The following MYRIP variants were observed in gnomAD, a reference collection of about 807,000 sequenced individuals.
MYRIP encodes rab effector MyRIP.
Under a neutral mutation model 98.0 loss-of-function variants are expected in MYRIP, and 49 were observed. The ratio of observed to expected loss-of-function variants is 0.50; its 90% CI spans 0.40 to 0.63. MYRIP has a LOEUF of 0.63. Ranked by LOEUF, MYRIP falls within the 30% of genes least tolerant of loss-of-function variation. The pLI, the probability that MYRIP is intolerant of heterozygous loss-of-function variation, is 0.00. For synonymous variants in MYRIP, 404 were observed against 409.5 expected (o/e 0.99, Z 0.16); for missense variants, 1,004 against 1,058.2 (o/e 0.95, Z 0.71).
At chr3:39,963,041 G>T (rs1488793918) in intron 2 of MYRIP, among the ~76,000 whole-genome samples, 1 of 152,096 alleles carries the variant, frequency 6.6e-6, no homozygotes, top group Non-Finnish European at 1.5e-5. Flanking sequence ...TCATGTACGA[G>T]AAGGGGCTCA....
chr3:40,138,882 G>T (rs1949836924), intron 3 of MYRIP, among the ~76,000 whole-genome samples: 1 of 152,110 alleles, frequency 6.6e-6, no homozygotes, highest in African/African-American at 2.4e-5. Flanking sequence ...GTTAACTATA[G>T]TCATCCTACT....
chr3:40,007,189 G>C (rs1946653405), intron 2 of MYRIP, among the ~76,000 whole-genome samples: 2 of 152,168 alleles, frequency 1.3e-5, no homozygotes, highest in South Asian at 2.1e-4. Context: ...TCAGAATTCT[G>C]TACAGGCTAA....
intron 3 of MYRIP, among the ~76,000 whole-genome samples, chr3:40,137,146 T>G (rs1320474750): frequency 3.9e-5 from 6 of 151,906 alleles, no homozygotes; most frequent in African/African-American, 1.2e-4. Context: ...GCAAGACTAA[T>G]AAAGAAGAAA....
chr3:39,834,972 T>C (rs761368087), intron 1 of MYRIP, among the ~76,000 whole-genome samples: 4 of 152,122 alleles, frequency 2.6e-5, no homozygotes, highest in Non-Finnish European at 4.4e-5. Context: ...AGACAACTAG[T>C]CTCCACAGAA....
chr3:39,965,582 A>G (rs1945419815), intron 2 of MYRIP, among the ~76,000 whole-genome samples: 1 of 152,150 alleles, frequency 6.6e-6, no homozygotes, highest in Non-Finnish European at 1.5e-5. Context: ...ATTGCAAGGA[A>G]TTGGCTTATG....
At chr3:39,935,037 G>C (rs1944626812) in intron 2 of MYRIP, among the ~76,000 whole-genome samples, 1 of 152,152 alleles carries the variant, frequency 6.6e-6, no homozygotes, top group African/African-American at 2.4e-5. Flanking sequence ...GCTTTCTCAG[G>C]AATTAACTCA....
intron 1 of MYRIP, among the ~76,000 whole-genome samples, chr3:39,871,914 A>T (rs1035768753): frequency 6.6e-6 from 1 of 151,990 alleles, no homozygotes; most frequent in Admixed American, 6.6e-5. Context: ...TAATATATAT[A>T]AAATATATAG....
intron 3 of MYRIP, among the ~76,000 whole-genome samples, chr3:40,075,027 G>C (rs2125862919): frequency 6.6e-6 from 1 of 152,050 alleles, no homozygotes; most frequent in South Asian, 2.1e-4. Flanking sequence ...TTACAGGCAA[G>C]GAAATCACAA....
chr3:39,979,545 G>A (rs1195616140), intron 2 of MYRIP, among the ~76,000 whole-genome samples: 1 of 151,926 alleles, frequency 6.6e-6, no homozygotes, highest in African/African-American at 2.4e-5. Context: ...GAATGAGGCA[G>A]GAGAATCGCT....
At chr3:39,913,815 C>T (rs1944085512) in intron 2 of MYRIP, among the ~76,000 whole-genome samples, 1 of 152,180 alleles carries the variant, frequency 6.6e-6, no homozygotes, top group South Asian at 2.1e-4. Flanking sequence ...ACTGCTACTG[C>T]TCTATTAGTA....
Position 39,989,591 on chromosome 3 carries a change from G to A in MYRIP, c.111-54459G>A, listed in dbSNP as rs192411225. Among the ~76,000 whole-genome samples, 318 of 152,352 alleles carry A rather than the reference G, an allele frequency of 2.1e-3. 4 individuals are homozygous for A. The highest frequency in any genetic ancestry group is 1.6e-3 in the Non-Finnish European group (106 of 68,034). ...GGGGGGAAACCCACACATCTGGGCTGCCTGAATTCTTCAGAACTAGCAGGA... is the reference window on the plus strand; with the variant it reads ...GGGGGGAAACCCACACATCTGGGCTACCTGAATTCTTCAGAACTAGCAGGA... On this transcript the variant is annotated intron_variant, in intron 2 of 16. Coordinates refer to ENST00000302541, the MANE Select transcript of MYRIP (RefSeq NM_015460.4).
intron 11 of MYRIP, 23 bp from the exon 12 acceptor site, chr3:40,233,836 C>G: frequency 6.2e-7 from 1 of 1,602,940 alleles, no homozygotes; most frequent in Non-Finnish European, 8.5e-7. Context: ...TCTTCTGTCC[C>G]CTTCTGTTAT....
At chr3:40,177,751 G>A (rs546421274) in intron 8 of MYRIP, among the ~76,000 whole-genome samples, 3 of 152,100 alleles carry the variant, frequency 2.0e-5, no homozygotes, top group Non-Finnish European at 2.9e-5. Context: ...ATATAAAAAG[G>A]CCTCTCTAAT....
chr3:40,026,497 G>A (rs4626032), intron 2 of MYRIP, among the ~76,000 whole-genome samples: 138,351 of 152,172 alleles, frequency 0.91, 63,734 homozygotes, highest in Non-Finnish European at 0.98. Context: ...GCTTACAAAG[G>A]TAACAGGATT....
intron 1 of MYRIP, among the ~76,000 whole-genome samples, chr3:39,895,766 G>A (rs2125665167): frequency 6.6e-6 from 1 of 152,248 alleles, no homozygotes. Flanking sequence ...ATGTCAAAAA[G>A]TCAGACAGTT....
chr3:39,816,315 C>G, intron 1 of MYRIP, among the ~76,000 whole-genome samples: 1 of 152,162 alleles, frequency 6.6e-6, no homozygotes, highest in Non-Finnish European at 1.5e-5. Context: ...ATCTCCTGAC[C>G]TCATGATCCA....
rs1947658848 is a variant in MYRIP at position 40,045,816 on chromosome 3, A to G, written c.332+1545A>G. On this transcript the variant is annotated intron_variant, in intron 3 of 16. Coordinates refer to ENST00000302541, the MANE Select transcript of MYRIP (RefSeq NM_015460.4). ...AGGGTAACTGAGTTAAGGATATTGG[A>G]CAGTGAAGAATGTAAAGACAGAATC... Among the ~76,000 whole-genome samples the G allele has an allele frequency of 2.0e-5, 3 of 152,102 alleles. No homozygotes were observed. In the South Asian group the frequency reaches 6.2e-4, roughly 32 times the overall value.
chr3:40,202,910 T>C (rs28631663), intron 10 of MYRIP, among the ~76,000 whole-genome samples: 2,988 of 14,564 alleles, frequency 0.21, 37 homozygotes, highest in Middle Eastern at 0.44. Flanking sequence ...CATTTACTTA[T>C]TTATTTATTT....
intron 10 of MYRIP, among the ~76,000 whole-genome samples, chr3:40,193,405 AC>A (rs1410781239): frequency 6.6e-6 from 1 of 152,050 alleles, no homozygotes; most frequent in East Asian, 1.9e-4. Flanking sequence ...TAACTCCTTA[AC>A]CCCCTTGGTT....
Sources: gnomAD v4.1 joint callset for allele counts (sites outside exome capture counted in the v4.1 genomes callset) on GRCh38, gnomAD v4.1.1 for gene constraint, MANE v1.5 for transcripts, NCBI Gene and HGNC (gene_info 2026-07-23, HGNC 2026-07-21) for gene names.